DYNC2H1: variants seen among roughly 807,000 people sequenced by gnomAD.
The protein encoded by DYNC2H1 is cytoplasmic dynein 2 heavy chain 1.
A neutral mutation model predicts 570.0 loss-of-function variants in DYNC2H1; 410 were observed. That is an observed-to-expected ratio of 0.72 (90% CI 0.66 to 0.78). The LOEUF is 0.78. Among genes scored for constraint, DYNC2H1 ranks in the 30% least tolerant of loss-of-function variants. The pLI is 0.00. For synonymous variants in DYNC2H1, 1,688 were observed against 1,677.6 expected (o/e 1.01, Z -0.15); for missense variants, 4,865 against 5,046.4 (o/e 0.96, Z 1.09).
At position 103,280,229 on chromosome 11, in the gene DYNC2H1, T is replaced by TA. The variant is rs1264840132; in HGVS notation, c.10696-113dup. ...TCTGAATAGTAATTTCTTACATCGATAAAAAAGTAGGTCATATGAAGACAG... is the reference window on the plus strand; with the variant it reads ...TCTGAATAGTAATTTCTTACATCGATAAAAAAAGTAGGTCATATGAAGACAG... On this transcript the variant is annotated intron_variant, in intron 70 of 88. Coordinates refer to ENST00000375735, the MANE Select transcript of DYNC2H1 (RefSeq NM_001377.3). The surrounding 1 kb of genome is among the most constrained non-coding windows in gnomAD (Gnocchi z 4.7). 8 of 939,414 alleles carry TA rather than the reference T, an allele frequency of 8.5e-6. No homozygotes were observed. The East Asian group carries it at 2.1e-4, about 25-fold the overall frequency. The allele number at this position is 939,414 out of a possible 1,614,324, so 58.2% of individuals were successfully genotyped here. A position where few individuals can be genotyped will look rare whatever the true frequency, so the allele number is the denominator to read the frequency against.
chr11:103,169,017 A>G, intron 32 of DYNC2H1, 57 bp downstream of exon 32: 1 of 1,418,002 alleles, frequency 7.1e-7, no homozygotes, highest in Non-Finnish European at 9.4e-7. Context: ...CTGTAAAGAA[A>G]ATTTGTTATT....
In DYNC2H1 at chr11:103,181,798, T is replaced by G. The variant is rs1452691562; in HGVS notation, c.6389T>G (p.Leu2130Trp). 1.3e-6 allele frequency: 2 copies of G among 1,577,758 alleles called. No homozygotes were observed. The highest frequency in any genetic ancestry group is 1.7e-6 in the Non-Finnish European group (2 of 1,159,746). Reference protein sequence around the residue: ...TDLNSLIKSWLRNQPAEYRNN... With the variant: ...TDLNSLIKSWWRNQPAEYRNN... ...CTTAATTCTCTGATAAAATCTTGGT[T>G]GAGGAATCAGCCTGCTGAATATAGA... is the stretch of plus-strand genomic sequence containing the variant. Residue 2130 changes from leucine to tryptophan, a missense_variant, in exon 40 of 89, where the codon TTG (leucine) becomes TGG (tryptophan). Physicochemically the swap from Leu to Trp is moderately conservative, Grantham distance 61. Transcript: ENST00000375735. The surrounding 1 kb of genome is among the most constrained non-coding windows in gnomAD (Gnocchi z 5.0).
rs1945272950 is a variant in DYNC2H1 at position 103,468,665 on chromosome 11, T to TGTC, written c.12726_12728dup (p.Ser4244dup). 1.1e-5 allele frequency: 18 copies of TGTC among 1,613,636 alleles called. No individual in the cohort carries two copies. The highest frequency in any genetic ancestry group is 1.5e-5 in the Non-Finnish European group (18 of 1,179,722). ...GAAAATCAGCTTGATTCTCCCAGCG[T>TGTC]GTCATCAGTGCTCCCTTGTTTTATG... On this transcript the variant is annotated inframe_insertion, in exon 88 of 89. Transcript: ENST00000375735.
In DYNC2H1 at chr11:103,309,003, C is replaced by A. The variant is rs185053297; in HGVS notation, c.11493+1172C>A. Among the ~76,000 whole-genome samples the A allele has an allele frequency of 1.3e-4, 19 of 151,966 alleles. No homozygotes were observed. The East Asian group carries it at 3.7e-3, about 29-fold the overall frequency. On this transcript the variant is annotated intron_variant, in intron 78 of 88. Transcript: ENST00000375735. ...CCCTGCCTTCCTTCTATGCTTATGT[C>A]CATCCATCCTTGTATCTCTCTAATA...
At chr11:103,166,397 A>G (rs1861305069) in intron 31 of DYNC2H1, among the ~76,000 whole-genome samples, 1 of 152,108 alleles carries the variant, frequency 6.6e-6, no homozygotes, top group Admixed American at 6.5e-5. Context: ...AATCTTTTAT[A>G]TATACCTAGA....
chr11:103,381,197 G>A (rs1176295229), intron 83 of DYNC2H1, among the ~76,000 whole-genome samples: 1 of 152,166 alleles, frequency 6.6e-6, no homozygotes, highest in East Asian at 1.9e-4. Flanking sequence ...TAGTATTGTG[G>A]CAGTGTGAAT....
intron 83 of DYNC2H1, among the ~76,000 whole-genome samples, chr11:103,377,903 A>C (rs1941459894): frequency 6.7e-6 from 1 of 149,236 alleles, no homozygotes; most frequent in Admixed American, 6.8e-5. Flanking sequence ...CACCCGGCTA[A>C]TTTTTGTATT....
rs373104583 is a variant in DYNC2H1 at position 103,373,323 on chromosome 11, G to A, written c.12156+14964G>A. ...TCTGCTATCAGTGTGTTGGCATATA[G>A]TTGCTCATAAAAGTCTCTTATGATA... is the stretch of plus-strand genomic sequence containing the variant. On this transcript the variant is annotated intron_variant, in intron 83 of 88. Coordinates refer to ENST00000375735, the MANE Select transcript of DYNC2H1 (RefSeq NM_001377.3). Among the ~76,000 whole-genome samples the A allele has an allele frequency of 4.6e-5, 7 of 152,238 alleles. No individual in the cohort carries two copies. The East Asian group carries it at 1.2e-3, about 25-fold the overall frequency.
chr11:103,160,830 A>G, intron 28 of DYNC2H1, 102 bp from the exon 29 acceptor site: 2 of 541,416 alleles, frequency 3.7e-6, no homozygotes, highest in Non-Finnish European at 6.2e-6. Context: ...TTTGATTATT[A>G]TATATGTTTT....
chr11:103,430,318 C>G (rs1943842621), intron 84 of DYNC2H1, among the ~76,000 whole-genome samples: 2 of 152,112 alleles, frequency 1.3e-5, no homozygotes, highest in South Asian at 2.1e-4. Context: ...ATTATACCCA[C>G]TTCCGAGGGT....
intron 88 of DYNC2H1, 69 bp from the exon 89 acceptor site, chr11:103,479,026 T>C: frequency 2.6e-6 from 4 of 1,529,428 alleles, no homozygotes; most frequent in Non-Finnish European, 3.6e-6. Flanking sequence ...GTTTGTTTCC[T>C]TGGTTATCTA....
At chr11:103,158,560 T>A (rs1291150086) in intron 26 of DYNC2H1, 117 bp from the exon 27 acceptor site, 2 of 731,556 alleles carry the variant, frequency 2.7e-6, no homozygotes, top group African/African-American at 3.7e-5. Context: ...GGTGTAATAC[T>A]GTTATAATAG....
At chr11:103,295,609 C>G (rs1027898405) in intron 75 of DYNC2H1, among the ~76,000 whole-genome samples, 1 of 152,180 alleles carries the variant, frequency 6.6e-6, no homozygotes, top group African/African-American at 2.4e-5. Context: ...CTGAGAAGGC[C>G]TGAGCTACAG....
At chr11:103,214,164 G>A (rs568983365) in intron 54 of DYNC2H1, among the ~76,000 whole-genome samples, 1 of 152,196 alleles carries the variant, frequency 6.6e-6, no homozygotes, top group East Asian at 1.9e-4. Flanking sequence ...TCTTTATTCT[G>A]TTCCATTGGT....
intron 4 of DYNC2H1, 87 bp from the exon 5 acceptor site, chr11:103,116,483 G>T (rs1858401076): frequency 1.0e-6 from 1 of 955,494 alleles, no homozygotes; most frequent in Non-Finnish European, 1.4e-6. Flanking sequence ...TAGAGTTGTG[G>T]CAGTTGAAAA....
chr11:103,453,805 A>G (rs1944694575), intron 85 of DYNC2H1, among the ~76,000 whole-genome samples: 1 of 151,690 alleles, frequency 6.6e-6, no homozygotes, highest in South Asian at 2.1e-4. Context: ...ATAAAGATAC[A>G]GTTAAGTATA....
At chr11:103,335,386 C>T (rs572577047) in intron 82 of DYNC2H1, among the ~76,000 whole-genome samples, 1 of 152,060 alleles carries the variant, frequency 6.6e-6, no homozygotes, top group South Asian at 2.1e-4. Context: ...TCAGAAGCTT[C>T]TACTAGTTTC....
chr11:103,335,608 A>G (rs1202990344), intron 82 of DYNC2H1, among the ~76,000 whole-genome samples: 4 of 152,134 alleles, frequency 2.6e-5, no homozygotes, highest in African/African-American at 9.6e-5. Context: ...TGCTAGAATT[A>G]TATGAAATAC....
chr11:103,418,251 T>C (rs927232185), intron 84 of DYNC2H1, among the ~76,000 whole-genome samples: 1 of 152,140 alleles, frequency 6.6e-6, no homozygotes, highest in Admixed American at 6.5e-5. Flanking sequence ...TTGCAGAGGA[T>C]ACTATCATCT....
Sources: allele counts gnomAD v4.1 joint callset (sites outside exome capture counted in the v4.1 genomes callset), GRCh38; gene constraint gnomAD v4.1.1; non-coding constraint Gnocchi (gnomAD v3.1); transcripts MANE v1.5; gene names NCBI Gene and HGNC (gene_info 2026-07-23, HGNC 2026-07-21).